Variants in SNAP91 observed in about 807,000 individuals in gnomAD.
SNAP91 encodes clathrin coat assembly protein AP180.
Under a neutral mutation model 100.3 loss-of-function variants are expected in SNAP91, and 27 were observed. That is an observed-to-expected ratio of 0.27 (90% CI 0.20 to 0.37). The LOEUF is 0.37. Among genes scored for constraint, SNAP91 ranks in the 10% least tolerant of loss-of-function variants. The pLI is 1.00. For missense variants in SNAP91, 986 were observed against 1,123.7 expected (o/e 0.88, Z 1.75); for synonymous variants, 404 against 398.6 (o/e 1.01, Z -0.16).
chr6:83,570,411 G>C (rs76259665), intron 26 of SNAP91, among the ~76,000 whole-genome samples: 8,632 of 152,244 alleles, frequency 0.057, 351 homozygotes, highest in Non-Finnish European at 0.085. Context: ...TTTCTGAGGA[G>C]AAATTCAAGC....
chr6:83,658,934 T>C, intron 6 of SNAP91, 65 bp downstream of exon 6: 1 of 1,206,150 alleles, frequency 8.3e-7, no homozygotes, highest in South Asian at 1.3e-5. Flanking sequence ...GATTTACCTG[T>C]AGCCCATCTT....
At position 83,675,441 on chromosome 6, in the gene SNAP91, G is replaced by A. The variant is rs184736002; in HGVS notation, c.131-9860C>T. ...TCTTCATTAACATGTGAACTTTAAC[G>A]TAATCTAGTTTCTAAACTATTTCAG... is the stretch of plus-strand genomic sequence containing the variant. On this transcript the variant is annotated intron_variant, in intron 2 of 29. Transcript: ENST00000369694. 1.1e-3 allele frequency among the ~76,000 whole-genome samples: 172 copies of A among 151,958 alleles called. 1 individual carries two copies. The highest frequency in any genetic ancestry group is 1.4e-3 in the Non-Finnish European group (92 of 67,958).
chr6:83,614,460 A>G (rs138493294), intron 11 of SNAP91, among the ~76,000 whole-genome samples: 142 of 152,288 alleles, frequency 9.3e-4, no homozygotes, highest in African/African-American at 3.1e-3. Flanking sequence ...ATAGTTTTAT[A>G]CTGTGACCAG....
rs1376163923 is a variant in SNAP91 at position 83,610,738 on chromosome 6, TATATATATAA to T, written c.885-71_885-62del. ...ATATATATATATATATATATATATA[TATATATATAA>T]ATATATATGTGAATATATTTGTAGA... On this transcript the variant is annotated intron_variant, in intron 11 of 29. Coordinates refer to ENST00000369694, the MANE Select transcript of SNAP91 (RefSeq NM_001242792.2). 8.9e-3 allele frequency: 1,700 copies of T among 190,190 alleles called. 49 individuals carry two copies. Among genetic ancestry groups the T allele is most frequent in the African/African-American group, 0.043 (918 of 21,244 alleles). The allele number at this position is 190,190 out of a possible 1,614,324, so 11.8% of individuals were successfully genotyped here.
intron 26 of SNAP91, among the ~76,000 whole-genome samples, chr6:83,571,827 T>C (rs991162066): frequency 6.6e-6 from 1 of 152,178 alleles, no homozygotes; most frequent in Non-Finnish European, 1.5e-5. Context: ...AATCTTATCT[T>C]GAATTCCCAT....
At chr6:83,590,689 C>A (rs1420706708) in intron 22 of SNAP91, among the ~76,000 whole-genome samples, 1 of 152,118 alleles carries the variant, frequency 6.6e-6, no homozygotes, top group Admixed American at 6.5e-5. Context: ...CATTTCCCCA[C>A]AACTTCCTTT....
intron 24 of SNAP91, among the ~76,000 whole-genome samples, chr6:83,577,432 A>G (rs1383704728): frequency 6.6e-6 from 1 of 152,210 alleles, no homozygotes; most frequent in Non-Finnish European, 1.5e-5. Flanking sequence ...TAAATGATTA[A>G]AAAGCTAAAC....
chr6:83,638,174 G>A (rs947413160), intron 8 of SNAP91, among the ~76,000 whole-genome samples: 1 of 152,190 alleles, frequency 6.6e-6, no homozygotes, highest in Non-Finnish European at 1.5e-5. Context: ...CAGCTGGCAT[G>A]TGGTGGCTCC....
At chr6:83,698,799 T>C (rs1270863596) in intron 2 of SNAP91, among the ~76,000 whole-genome samples, 2 of 152,180 alleles carry the variant, frequency 1.3e-5, no homozygotes, top group East Asian at 3.8e-4. Context: ...ACAAAGGTAT[T>C]ATGGTACAGA....
intron 16 of SNAP91, among the ~76,000 whole-genome samples, chr6:83,595,658 A>T (rs1417776821): frequency 3.3e-5 from 5 of 152,090 alleles, no homozygotes; most frequent in Admixed American, 3.3e-4. Flanking sequence ...CCATCCCCAA[A>T]TACTGTCTTC....
intron 22 of SNAP91, among the ~76,000 whole-genome samples, chr6:83,583,661 T>C (rs1460476808): frequency 6.6e-6 from 1 of 152,176 alleles, no homozygotes; most frequent in African/African-American, 2.4e-5. Flanking sequence ...CTACATAAAG[T>C]TTAAGTATAT....
intron 22 of SNAP91, among the ~76,000 whole-genome samples, chr6:83,586,073 C>A (rs1049916498): frequency 1.3e-5 from 2 of 152,208 alleles, no homozygotes; most frequent in Admixed American, 6.5e-5. Flanking sequence ...TGGTCTCGAT[C>A]TCCTGACCTT....
intron 7 of SNAP91, 76 bp downstream of exon 7, chr6:83,656,678 C>A: frequency 4.8e-6 from 3 of 629,870 alleles, no homozygotes; most frequent in Non-Finnish European, 5.4e-6. Context: ...AGTGAGACAA[C>A]AGACTCACCC....
rs1166635871 is a variant in SNAP91 at position 83,707,766 on chromosome 6, C to T, written c.130+32G>A. The T allele has an allele frequency of 1.3e-5, 21 of 1,610,580 alleles. No individual in the cohort carries two copies. The Admixed American group carries it at 3.0e-4, about 23-fold the overall frequency. ...CAGCATCCCAGGCGCCTCTGCCGTG[C>T]GCATGTCCCTCTTATATAAAGAGAT... On this transcript the variant is annotated intron_variant, in intron 2 of 29. Coordinates refer to ENST00000369694, the MANE Select transcript of SNAP91 (RefSeq NM_001242792.2).
At chr6:83,554,537 C>T in intron 29 of SNAP91, among the ~76,000 whole-genome samples, 1 of 151,900 alleles carries the variant, frequency 6.6e-6, no homozygotes, top group African/African-American at 2.4e-5. Flanking sequence ...ATTATATCAA[C>T]AAAAATTTGA....
intron 10 of SNAP91, among the ~76,000 whole-genome samples, chr6:83,616,712 A>G (rs998738596): frequency 1.3e-5 from 2 of 152,228 alleles, no homozygotes; most frequent in Middle Eastern, 3.4e-3. Flanking sequence ...ATTCCTTCTA[A>G]AGGCAAATGT....
chr6:83,642,559 T>C (rs1476782644), intron 7 of SNAP91, among the ~76,000 whole-genome samples: 1 of 152,258 alleles, frequency 6.6e-6, no homozygotes, highest in Non-Finnish European at 1.5e-5. Flanking sequence ...ACAGTGTATA[T>C]GTGCCACATT....
At chr6:83,612,882 G>A (rs1203671094) in intron 11 of SNAP91, among the ~76,000 whole-genome samples, 10 of 114,436 alleles carry the variant, frequency 8.7e-5, no homozygotes, top group Admixed American at 2.1e-4. Context: ...GAGACAGAGC[G>A]AGACTCAGTC....
chr6:83,579,580 T>C (rs1216926660), intron 24 of SNAP91, among the ~76,000 whole-genome samples: 10 of 152,208 alleles, frequency 6.6e-5, no homozygotes, highest in Non-Finnish European at 1.0e-4. Flanking sequence ...CCCATTCACA[T>C]GAATACAAAA....
Sources: allele counts gnomAD v4.1 joint callset (sites outside exome capture counted in the v4.1 genomes callset), GRCh38; gene constraint gnomAD v4.1.1; transcripts MANE v1.5; gene names NCBI Gene and HGNC (gene_info 2026-07-23, HGNC 2026-07-21).